The following PARD3 variants were observed in gnomAD, a reference collection of about 807,000 sequenced individuals.
PARD3 encodes par-3 family cell polarity regulator, also known as partitioning defective 3 homolog.
A neutral mutation model predicts 155.4 loss-of-function variants in PARD3; 75 were observed. The observed-to-expected ratio is 0.48, with a 90% CI of 0.40 to 0.58. PARD3 has a LOEUF of 0.58. Ranked by LOEUF, PARD3 falls within the 20% of genes least tolerant of loss-of-function variation. The pLI is 0.00. For missense variants in PARD3, 1,642 were observed against 1,721.7 expected (o/e 0.95, Z 0.82); for synonymous variants, 576 against 610.5 (o/e 0.94, Z 0.83).
At chr10:34,738,392 G>C (rs1465338824) in intron 1 of PARD3, among the ~76,000 whole-genome samples, 1 of 152,142 alleles carries the variant, frequency 6.6e-6, no homozygotes, top group Non-Finnish European at 1.5e-5. Flanking sequence ...GCCCAGGCTG[G>C]TCTGGAACTC....
chr10:34,221,219 G>A (rs1263181659), intron 22 of PARD3, among the ~76,000 whole-genome samples: 1 of 152,142 alleles, frequency 6.6e-6, no homozygotes, highest in Non-Finnish European at 1.5e-5. Context: ...GCATGGGAGA[G>A]GCCATCCGGT....
chr10:34,294,916 G>C (rs1956837160), intron 20 of PARD3, among the ~76,000 whole-genome samples: 1 of 151,258 alleles, frequency 6.6e-6, no homozygotes, highest in Non-Finnish European at 1.5e-5. Flanking sequence ...TTAACACACA[G>C]AGAAAGCTGG....
intron 1 of PARD3, among the ~76,000 whole-genome samples, chr10:34,749,114 C>T (rs567415936): frequency 2.6e-5 from 4 of 152,316 alleles, no homozygotes; most frequent in African/African-American, 9.6e-5. Flanking sequence ...TCTTACTTCA[C>T]CCCATATACT....
rs1841431966 is a variant in PARD3, at chr10:34,378,052, G to A, written c.1454C>T (p.Ser485Leu). 8 of 1,596,796 alleles carry A rather than the reference G, an allele frequency of 5.0e-6. No homozygotes were observed. Among genetic ancestry groups the A allele is most frequent in the South Asian group, 2.3e-5 (2 of 88,714 alleles). ...ITSRDVTIGGSAPIYVKNILP... is the reference protein window; with the variant it reads ...ITSRDVTIGGLAPIYVKNILP... ...AATGTTTTTCACATAGATTGGAGCT[G>A]AGCCACCTATTGTTACATCTCTGGA... Residue 485 changes from serine to leucine, a missense_variant, in exon 10 of 25, where the codon TCA becomes TTA. Around this residue, in one of 3 missense-constraint regions of PARD3, gnomAD observed 1,529 missense variants for 1,587.3 expected, o/e 0.96. Transcript: ENST00000374788.
intron 1 of PARD3, among the ~76,000 whole-genome samples, chr10:34,801,238 A>G (rs1842816386): frequency 6.6e-6 from 1 of 152,110 alleles, no homozygotes; most frequent in Non-Finnish European, 1.5e-5. Flanking sequence ...TTTCAAACAC[A>G]CTCACATGAA....
intron 1 of PARD3, among the ~76,000 whole-genome samples, chr10:34,725,696 C>T (rs145121595): frequency 2.6e-5 from 4 of 152,176 alleles, no homozygotes; most frequent in East Asian, 1.9e-4. Context: ...GAAACACCTG[C>T]GAGCTTTACT....
At position 34,750,030 on chromosome 10, in the gene PARD3, TACACAC is replaced by T. The variant is rs71984849; in HGVS notation, c.121-53617_121-53612del. On this transcript the variant is annotated intron_variant, in intron 1 of 24. Transcript: ENST00000374788. ...GAACGAGACCCCCTCTCAAAAAAAGTACACACACACACACACACACACACACACACA... is the reference window on the plus strand; with the variant it reads ...GAACGAGACCCCCTCTCAAAAAAAGTACACACACACACACACACACACACA... Among the ~76,000 whole-genome samples the T allele has an allele frequency of 6.1e-3, 862 of 140,780 alleles. 4 individuals are homozygous for T. The highest frequency in any genetic ancestry group is 0.013 in the African/African-American group (480 of 38,000). The allele number at this position is 140,780 out of a possible 152,430, so 92.4% of individuals were successfully genotyped here.
chr10:34,284,218 C>T lies in PARD3; in HGVS notation c.3093G>A (p.Lys1031=), dbSNP rs1430493679. ...TTTTTATTTTACCCGTTTTCTCAAT[C>T]TTGTCATCTTTTCGATGTTTGCCAA... is the stretch of plus-strand genomic sequence containing the variant. ...FRFGKHRKDD[K]IEKTGKIKIQ... is the part of the protein sequence containing the mutation. Residue 1031 remains lysine, a synonymous_variant, in exon 21 of 25, where the codon AAG becomes AAA. Coordinates refer to ENST00000374788, the MANE Select transcript of PARD3 (RefSeq NM_001184785.2). The T allele has an allele frequency of 4.3e-6, 7 of 1,609,546 alleles. No homozygotes were observed. The highest frequency in any genetic ancestry group is 5.9e-6 in the Non-Finnish European group (7 of 1,177,894).
At chr10:34,372,107 T>G (rs1840729976) in intron 12 of PARD3, among the ~76,000 whole-genome samples, 1 of 152,174 alleles carries the variant, frequency 6.6e-6, no homozygotes, top group African/African-American at 2.4e-5. Context: ...TACTGTATTC[T>G]CTTAGCCCTC....
intron 3 of PARD3, among the ~76,000 whole-genome samples, chr10:34,479,338 T>A (rs2078919302): frequency 6.6e-6 from 1 of 151,954 alleles, no homozygotes; most frequent in South Asian, 2.1e-4. Context: ...ATTTTTTGTA[T>A]TTTTAGTAGA....
At chr10:34,781,600 A>G (rs1416450624) in intron 1 of PARD3, among the ~76,000 whole-genome samples, 1 of 152,222 alleles carries the variant, frequency 6.6e-6, no homozygotes, top group Non-Finnish European at 1.5e-5. Flanking sequence ...TAAATATACC[A>G]GGCCTTTTCC....
intron 1 of PARD3, among the ~76,000 whole-genome samples, chr10:34,720,496 T>G (rs1457064685): frequency 7.0e-6 from 1 of 143,488 alleles, no homozygotes; most frequent in Non-Finnish European, 1.5e-5. Context: ...AATGCCACTG[T>G]GTACTATGCC....
chr10:34,261,188 C>A (rs1174545897), intron 22 of PARD3, among the ~76,000 whole-genome samples: 1 of 152,082 alleles, frequency 6.6e-6, no homozygotes. Flanking sequence ...AGCAAATGTC[C>A]ATTAAAGCTG....
rs779872179 is a variant in PARD3 at position 34,360,075 on chromosome 10, G to C, written c.1892C>G (p.Ser631Cys). The stretch of plus-strand genomic sequence containing the variant: ...CATGATAAAGTTGACACTCACTTTA[G>C]ATGCTGCTCCTCCATTAATAATGGA... ...VKSIINGGAA[S>C]KDGRLRVNDQ... The change falls in exon 13 of 25, where the codon TCT (serine) becomes TGT (cysteine). Residue 631 changes from serine (S) to cysteine (C), a missense_variant. Around this residue, in one of 3 missense-constraint regions of PARD3, gnomAD observed 1,529 missense variants for 1,587.3 expected, o/e 0.96. Transcript: ENST00000374788. 8 of 1,612,900 alleles carry C rather than the reference G, an allele frequency of 5.0e-6. No homozygotes were observed. The South Asian group carries it at 8.8e-5, about 18-fold the overall frequency.
At chr10:34,325,792 A>T (rs1312282811) in intron 19 of PARD3, among the ~76,000 whole-genome samples, 1 of 151,952 alleles carries the variant, frequency 6.6e-6, no homozygotes, top group African/African-American at 2.4e-5. Context: ...TCAGTTCCTA[A>T]GTGTAATCTT....
chr10:34,791,022 C>T (rs1319517598), intron 1 of PARD3, among the ~76,000 whole-genome samples: 2 of 152,124 alleles, frequency 1.3e-5, no homozygotes, highest in African/African-American at 4.8e-5. Flanking sequence ...TCAAAAAATA[C>T]AAAATAACTC....
Position 34,431,527 on chromosome 10 carries a change from T to G in PARD3, c.714+18790A>C, listed in dbSNP as rs143616410. Among the ~76,000 whole-genome samples the G allele has an allele frequency of 4.8e-3, 729 of 151,038 alleles. 4 individuals carry two copies. The highest frequency in any genetic ancestry group is 0.017 in the African/African-American group (695 of 41,112). Reference sequence around the variant, plus strand: ...GAGGCCAAGGCGGGTGATCACCTGATGTCAGGAGTTCAAGACCAGTCTGGC... The same window carrying G: ...GAGGCCAAGGCGGGTGATCACCTGAGGTCAGGAGTTCAAGACCAGTCTGGC... On this transcript the variant is annotated intron_variant, in intron 5 of 24. Coordinates refer to ENST00000374788, the MANE Select transcript of PARD3 (RefSeq NM_001184785.2).
chr10:34,398,896 T>C (rs368607489), intron 7 of PARD3, among the ~76,000 whole-genome samples: 1 of 152,182 alleles, frequency 6.6e-6, no homozygotes, highest in Non-Finnish European at 1.5e-5. Context: ...AAAAAACTCA[T>C]AAAATTGAAG....
chr10:34,111,385 C>G lies in PARD3; in HGVS notation c.3846G>C (p.Glu1282Asp). 1 of 1,614,192 alleles carries G rather than the reference C, an allele frequency of 6.2e-7. No homozygotes were observed. The highest frequency in any genetic ancestry group is 8.5e-7 in the Non-Finnish European group (1 of 1,180,026). The part of the protein sequence containing the change: ...FNARVMLETQ[E>D]LLRQEQRRKE... ...TCCGCCTCTGTTCCTGGCGAAGGAG[C>G]TCCTGAGTTTCCAGCATGACCCTGG... Residue 1282 changes from glutamate (E) to aspartate (D), a missense_variant, in exon 25 of 25, where the codon GAG becomes GAC. Glu to Asp is a conservative substitution (Grantham distance 45). Coordinates refer to ENST00000374788, the MANE Select transcript of PARD3 (RefSeq NM_001184785.2).
Sources: allele counts gnomAD v4.1 joint callset (sites outside exome capture counted in the v4.1 genomes callset), GRCh38; gene constraint gnomAD v4.1.1; regional missense constraint gnomAD v4.1.1; transcripts MANE v1.5; gene names NCBI Gene and HGNC (gene_info 2026-07-23, HGNC 2026-07-21).